Variants in B4GALT6 observed in about 807,000 individuals in gnomAD.
B4GALT6 encodes beta-1,4-galactosyltransferase 6.
A neutral mutation model predicts 46.3 loss-of-function variants in B4GALT6; 14 were observed. That is an observed-to-expected ratio of 0.30 (90% CI 0.20 to 0.47). The LOEUF is 0.47. B4GALT6 is among the 20% of genes least tolerant of loss of function. The pLI, the probability that B4GALT6 is intolerant of heterozygous loss-of-function variation, is 0.99. For missense variants in B4GALT6, 386 were observed against 480.1 expected (o/e 0.80, Z 1.83); for synonymous variants, 168 against 162.0 (o/e 1.04, Z -0.28).
intron 1 of B4GALT6, among the ~76,000 whole-genome samples, chr18:31,683,036 T>C (rs2074498948): frequency 6.6e-6 from 1 of 152,328 alleles, no homozygotes; most frequent in South Asian, 2.1e-4. Flanking sequence ...AACTTTACCC[T>C]AAAACTTCTA....
upstream of B4GALT6, chr18:31,686,560 T>G (rs1349947858): frequency 6.6e-6 from 1 of 152,230 alleles, no homozygotes; most frequent in African/African-American, 2.4e-5. Flanking sequence ...AAATTCATTT[T>G]TTAATATTTT....
At chr18:31,645,584 C>T in intron 3 of B4GALT6, 105 bp from the exon 4 acceptor site, 1 of 1,180,400 alleles carries the variant, frequency 8.5e-7, no homozygotes, top group Non-Finnish European at 1.2e-6. Context: ...GTTGCCAGGA[C>T]AATACAGTTT....
At chr18:31,625,800 A>G (rs762241253) in intron 8 of B4GALT6, 39 bp from the exon 9 acceptor site, 2 of 1,529,742 alleles carry the variant, frequency 1.3e-6, no homozygotes, top group Non-Finnish European at 1.7e-6. Context: ...GCAACAAAAC[A>G]TGTTCAAAAA....
At chr18:31,645,278 T>A (rs956777746) in intron 4 of B4GALT6, 77 bp downstream of exon 4, 2 of 1,563,116 alleles carry the variant, frequency 1.3e-6, no homozygotes, top group African/African-American at 2.8e-5. Flanking sequence ...CATTTGTCTC[T>A]GTATTCTGAA....
intron 1 of B4GALT6, among the ~76,000 whole-genome samples, chr18:31,676,950 T>TA (rs1272453994): frequency 6.6e-6 from 1 of 152,216 alleles, no homozygotes; most frequent in Non-Finnish European, 1.5e-5. Context: ...TTGTAACAAG[T>TA]AAAACAGTAG....
At chr18:31,722,556 C>T in the B4GALT6 span, among the ~76,000 whole-genome samples, 1 of 152,194 alleles carries the variant, frequency 6.6e-6, no homozygotes, top group East Asian at 1.9e-4. Context: ...TTGTTCTGCC[C>T]CCTAGAGGCG....
chr18:31,665,754 A>C (rs2144682787), intron 2 of B4GALT6, among the ~76,000 whole-genome samples: 1 of 152,308 alleles, frequency 6.6e-6, no homozygotes, highest in Middle Eastern at 3.4e-3. Context: ...AAAATAAATA[A>C]GTAAAATAAA....
the B4GALT6 span, among the ~76,000 whole-genome samples, chr18:31,722,892 T>C: frequency 1.3e-5 from 2 of 152,226 alleles, no homozygotes. Context: ...TCAAAAAATA[T>C]CAGCTAGAAA....
upstream of B4GALT6, chr18:31,684,815 C>T: frequency 9.9e-7 from 1 of 1,012,844 alleles, no homozygotes; most frequent in Non-Finnish European, 1.2e-6. Flanking sequence ...CCGCGGCGCC[C>T]CTGCGGAGAG....
Position 31,646,766 on chromosome 18 carries a change from C to A in B4GALT6, c.347-1287G>T, listed in dbSNP as rs1221518105. On this transcript the variant is annotated intron_variant, in intron 3 of 8. Transcript: ENST00000306851. ...TTCACAATGGCCTCTCTTCCTGTCC[C>A]CACTTCATCCTAACCAGGCAGAGCT... is the stretch of plus-strand genomic sequence containing the variant. Among the ~76,000 whole-genome samples the A allele has an allele frequency of 2.6e-5, 4 of 152,226 alleles. No homozygotes were observed. The East Asian group carries it at 7.7e-4, about 29-fold the overall frequency.
chr18:31,709,553 ATGTGTGTGTGTGTGTGTGTG>A, the B4GALT6 span, among the ~76,000 whole-genome samples: 25 of 126,814 alleles, frequency 2.0e-4, no homozygotes, highest in African/African-American at 6.0e-4. Context: ...TAGGATATAT[ATGTGTGTGTGTGTGTGTGTG>A]TGTGTGTGTG....
At chr18:31,700,158 T>C in the B4GALT6 span, among the ~76,000 whole-genome samples, 1 of 152,144 alleles carries the variant, frequency 6.6e-6, no homozygotes, top group East Asian at 1.9e-4. Context: ...TTACTGTATG[T>C]ATATTATAAC....
At chr18:31,692,617 C>T in the B4GALT6 span, among the ~76,000 whole-genome samples, 1 of 152,102 alleles carries the variant, frequency 6.6e-6, no homozygotes, top group Non-Finnish European at 1.5e-5. Context: ...AAACAAGTTA[C>T]ATCAACATGA....
chr18:31,625,632 A>C lies in B4GALT6; in HGVS notation c.1131T>G (p.Ala377=). ...NISVNLMPEL[A]PIEDY The stretch of plus-strand genomic sequence containing the variant: ...ACTTCTTTTAATAGTCTTCGATTGG[A>C]GCTAACTCTGGCATGAGGTTTACAG... Residue 377 remains alanine (A), a synonymous_variant, in exon 9 of 9, where the codon GCT becomes GCG. Coordinates refer to ENST00000306851, the MANE Select transcript of B4GALT6 (RefSeq NM_004775.5). The C allele has an allele frequency of 1.2e-6, 2 of 1,613,352 alleles. No individual in the cohort carries two copies. Among genetic ancestry groups the C allele is most frequent in the South Asian group, 2.2e-5 (2 of 90,892 alleles).
the B4GALT6 span, among the ~76,000 whole-genome samples, chr18:31,702,606 C>G: frequency 2.0e-5 from 3 of 152,084 alleles, no homozygotes; most frequent in East Asian, 3.9e-4. Context: ...TTTATAAGTT[C>G]TGGGTGGGGT....
chr18:31,675,466 C>G (rs1219062225), intron 1 of B4GALT6, among the ~76,000 whole-genome samples: 1 of 152,186 alleles, frequency 6.6e-6, no homozygotes, highest in Admixed American at 6.5e-5. Flanking sequence ...CCTACTTTAA[C>G]CCTAGTTGAT....
chr18:31,635,371 G>T (rs1270844027), intron 5 of B4GALT6, among the ~76,000 whole-genome samples: 2 of 152,016 alleles, frequency 1.3e-5, no homozygotes, highest in Non-Finnish European at 2.9e-5. Context: ...TACAACTACA[G>T]CTCCATGAAA....
chr18:31,655,894 C>T (rs1192313999), intron 3 of B4GALT6, among the ~76,000 whole-genome samples: 2 of 151,884 alleles, frequency 1.3e-5, no homozygotes, highest in East Asian at 3.8e-4. Context: ...TTAGAATCAC[C>T]TGAGAATTTT....
At chr18:31,665,878 T>C (rs2074276452) in intron 2 of B4GALT6, among the ~76,000 whole-genome samples, 1 of 152,226 alleles carries the variant, frequency 6.6e-6, no homozygotes, top group Admixed American at 6.5e-5. Flanking sequence ...CTAGACCTAG[T>C]TGGAAGAACA....
Sources: gnomAD v4.1 joint callset for allele counts (sites outside exome capture counted in the v4.1 genomes callset) on GRCh38, gnomAD v4.1.1 for gene constraint, MANE v1.5 for transcripts, NCBI Gene and HGNC (gene_info 2026-07-23, HGNC 2026-07-21) for gene names.